The following PRICKLE2 variants were observed in gnomAD, a reference collection of about 807,000 sequenced individuals.
PRICKLE2 encodes the protein prickle planar cell polarity protein 2.
A neutral mutation model predicts 81.4 loss-of-function variants in PRICKLE2; 21 were observed. The ratio of observed to expected loss-of-function variants is 0.26; its 90% CI spans 0.18 to 0.37. The LOEUF (loss-of-function observed/expected upper bound fraction) is 0.37, where lower values mean the gene tolerates loss of function less well. PRICKLE2 is among the 10% of genes least tolerant of loss of function. PRICKLE2 has a pLI of 1.00. For missense variants in PRICKLE2, 940 were observed against 1,109.0 expected, an observed-to-expected ratio of 0.85 and a Z score of 2.16; for synonymous variants, 456 against 421.5, an observed-to-expected ratio of 1.08 and a Z score of -1.00.
chr3:64,189,104 G>A (rs2078287354), intron 2 of PRICKLE2, among the ~76,000 whole-genome samples: 1 of 152,172 alleles, frequency 6.6e-6, no homozygotes, highest in East Asian at 1.9e-4. Context: ...AATATTTGCT[G>A]AATGAATGTC....
chr3:64,098,649 T>C lies in PRICKLE2; in HGVS notation c.*402A>G, dbSNP rs1205923686. On this transcript the variant is annotated 3_prime_UTR_variant, in exon 8 of 8. Coordinates refer to ENST00000638394, the MANE Select transcript of PRICKLE2 (RefSeq NM_198859.4). ...ATTTACATTGCATTTACAATGGACA[T>C]GTAAATAACTTAGTCTTGGGTCCTG... 1 of 218,860 alleles carries C rather than the reference T, an allele frequency of 4.6e-6. No individual in the cohort carries two copies. The highest frequency in any genetic ancestry group is 2.3e-5 in the African/African-American group (1 of 43,578). 13.6% of individuals were successfully genotyped at this position (218,860 alleles called of 1,614,324 possible). A position where few individuals can be genotyped will look rare whatever the true frequency, so the allele number is the denominator to read the frequency against.
intron 7 of PRICKLE2, among the ~76,000 whole-genome samples, chr3:64,143,031 T>G (rs2077388229): frequency 1.3e-5 from 2 of 152,056 alleles, no homozygotes; most frequent in African/African-American, 4.8e-5. Flanking sequence ...GACAAAAAAT[T>G]AGGGCTCATG....
chr3:64,174,930 G>C (rs1279350301), intron 2 of PRICKLE2: 1 of 204,816 alleles, frequency 4.9e-6, no homozygotes, highest in Non-Finnish European at 1.1e-5. Context: ...TGCACTAAGA[G>C]GAGTCTTCAT....
intron 7 of PRICKLE2, chr3:64,102,480 G>A (rs1199910953): frequency 6.6e-6 from 1 of 152,396 alleles, no homozygotes; most frequent in Non-Finnish European, 1.5e-5. Context: ...AGAATCTCAT[G>A]CCTGATGATC....
intron 1 of PRICKLE2, among the ~76,000 whole-genome samples, chr3:64,208,811 C>A (rs80033538): frequency 6.6e-6 from 1 of 152,116 alleles, no homozygotes; most frequent in African/African-American, 2.4e-5. Context: ...AAGTTAAGGA[C>A]CTATGTCATC....
intron 7 of PRICKLE2, among the ~76,000 whole-genome samples, chr3:64,121,257 C>T (rs1233760163): frequency 2.6e-5 from 4 of 152,124 alleles, no homozygotes; most frequent in South Asian, 4.1e-4. Context: ...TGCAAAAAAA[C>T]GATTGGGTGG....
chr3:64,205,359 C>T (rs906972366), intron 1 of PRICKLE2, among the ~76,000 whole-genome samples: 1 of 152,128 alleles, frequency 6.6e-6, no homozygotes, highest in African/African-American at 2.4e-5. Context: ...TATTGTCAGG[C>T]GGAGACCCTC....
At position 64,157,368 on chromosome 3, in the gene PRICKLE2, G is replaced by T. The variant is rs764093130; in HGVS notation, c.397-3C>A. 1 of 1,612,682 alleles carries T rather than the reference G, an allele frequency of 6.2e-7. No homozygotes were observed. Among genetic ancestry groups the T allele is most frequent in the South Asian group, 1.1e-5 (1 of 91,008 alleles). On this transcript the variant is annotated splice_region_variant and splice_polypyrimidine_tract_variant and intron_variant, in intron 4 of 7. Coordinates refer to ENST00000638394, the MANE Select transcript of PRICKLE2 (RefSeq NM_198859.4). ...CCACCATTGATCTGGCCTCCGCACTGTGAGGCAAACAGAAACATCAGTAGT... is the reference window on the plus strand; with the variant it reads ...CCACCATTGATCTGGCCTCCGCACTTTGAGGCAAACAGAAACATCAGTAGT...
At chr3:64,257,760 T>A (rs1013279282) in intron 2 of PRICKLE2, among the ~76,000 whole-genome samples, 2 of 152,182 alleles carry the variant, frequency 1.3e-5, no homozygotes, top group African/African-American at 4.8e-5. Flanking sequence ...TAATCAGCTA[T>A]TATCCTTTGC....
At chr3:64,194,474 C>G (rs988292470) in intron 2 of PRICKLE2, among the ~76,000 whole-genome samples, 1 of 152,112 alleles carries the variant, frequency 6.6e-6, no homozygotes, top group African/African-American at 2.4e-5. Flanking sequence ...GTTTGGTTAC[C>G]TCAAATGGGA....
chr3:64,188,551 G>C (rs114552085), intron 2 of PRICKLE2, among the ~76,000 whole-genome samples: 1 of 152,140 alleles, frequency 6.6e-6, no homozygotes, highest in African/African-American at 2.4e-5. Context: ...TGGGAACCTC[G>C]TTTTGAAAAC....
At chr3:64,266,192 A>G (rs528502105) in intron 2 of PRICKLE2, among the ~76,000 whole-genome samples, 3 of 107,770 alleles carry the variant, frequency 2.8e-5, no homozygotes, top group South Asian at 4.0e-4. Flanking sequence ...CCAAGCCTCC[A>G]CCGCAAAAGA....
chr3:64,156,851 ATTTTG>A (rs758817643), intron 5 of PRICKLE2, among the ~76,000 whole-genome samples: 2 of 152,130 alleles, frequency 1.3e-5, no homozygotes, highest in African/African-American at 4.8e-5. Flanking sequence ...GCACAATGCA[ATTTTG>A]TTTTGTTTTG....
intron 7 of PRICKLE2, among the ~76,000 whole-genome samples, chr3:64,125,023 T>C (rs918801868): frequency 1.3e-5 from 2 of 152,182 alleles, no homozygotes; most frequent in African/African-American, 2.4e-5. Context: ...CTAGATGCCA[T>C]TAAGAACACT....
chr3:64,192,208 C>G (rs918172546), intron 2 of PRICKLE2, among the ~76,000 whole-genome samples: 12 of 152,156 alleles, frequency 7.9e-5, no homozygotes, highest in Admixed American at 7.8e-4. Flanking sequence ...TCTGGTTCTA[C>G]AGAGGACCCC....
chr3:64,147,556 C>A lies in PRICKLE2; in HGVS notation c.934G>T (p.Ala312Ser). ...TCAGAACCATTGGGGTCTTCCCCAG[C>A]ACTGCAGGCCCGTGAGCAGAATATC... Reference protein sequence around the residue: ...GQIFCSRACSAGEDPNGSDSS... With the variant: ...GQIFCSRACSSGEDPNGSDSS... Residue 312 changes from alanine to serine, a missense_variant, in exon 7 of 8, where the codon GCT becomes TCT. Ala to Ser is a moderately conservative substitution (Grantham distance 99). Around this residue, in one of 2 missense-constraint regions of PRICKLE2, gnomAD observed 670 missense variants for 717.2 expected, o/e 0.93. Coordinates refer to ENST00000638394, the MANE Select transcript of PRICKLE2 (RefSeq NM_198859.4). The surrounding 1 kb of genome is among the most constrained non-coding windows in gnomAD (Gnocchi z 5.0). The A allele has an allele frequency of 6.2e-7, 1 of 1,614,228 alleles. No individual in the cohort carries two copies. Among genetic ancestry groups the A allele is most frequent in the Non-Finnish European group, 8.5e-7 (1 of 1,180,048 alleles).
chr3:64,139,235 G>A (rs1305138180), intron 7 of PRICKLE2, among the ~76,000 whole-genome samples: 1 of 152,170 alleles, frequency 6.6e-6, no homozygotes, highest in African/African-American at 2.4e-5. Flanking sequence ...AAGAAGGTAG[G>A]AAGCCCTTTC....
At position 64,099,035 on chromosome 3, in the gene PRICKLE2, C is replaced by T; in HGVS notation, c.*16G>A. 6.2e-7 allele frequency: 1 copy of T among 1,614,024 alleles called. No individual in the cohort carries two copies. Among genetic ancestry groups the T allele is most frequent in the Admixed American group, 1.7e-5 (1 of 60,012 alleles). On this transcript the variant is annotated 3_prime_UTR_variant, in exon 8 of 8. Transcript: ENST00000638394. The surrounding 1 kb of genome is among the most constrained non-coding windows in gnomAD (Gnocchi z 4.3). ...TCTTAGCTCCCATCTTCTCCCATTC[C>T]CTGATCCCAATCATATTAAGAAATG...
At chr3:64,159,448 C>T (rs554507951) in intron 4 of PRICKLE2, among the ~76,000 whole-genome samples, 23 of 152,232 alleles carry the variant, frequency 1.5e-4, no homozygotes, top group Non-Finnish European at 2.6e-4. Context: ...TCACCCAGAA[C>T]TCTGACTTTA....
Sources: gnomAD v4.1 joint callset for allele counts (sites outside exome capture counted in the v4.1 genomes callset) on GRCh38, gnomAD v4.1.1 for gene constraint, gnomAD v4.1.1 regional missense constraint, Gnocchi (gnomAD v3.1) non-coding constraint, MANE v1.5 for transcripts, NCBI Gene and HGNC (gene_info 2026-07-23, HGNC 2026-07-21) for gene names.